Variants in CFAP70 observed in about 807,000 individuals in gnomAD.
The protein encoded by CFAP70 is cilia- and flagella-associated protein 70.
Under a neutral mutation model 137.6 loss-of-function variants are expected in CFAP70, and 81 were observed. That is an observed-to-expected ratio of 0.59 (90% CI 0.49 to 0.71). CFAP70 has a LOEUF of 0.71. CFAP70 is among the 30% of genes least tolerant of loss of function. The pLI is 0.00. For synonymous variants in CFAP70, 382 were observed against 423.6 expected, an observed-to-expected ratio of 0.90 and a Z score of 1.20; for missense variants, 976 against 1,226.7, an observed-to-expected ratio of 0.80 and a Z score of 3.05.
chr10:73,299,503 T>C, intron 13 of CFAP70, 102 bp downstream of exon 14: 1 of 958,338 alleles, frequency 1.0e-6, no homozygotes, highest in Non-Finnish European at 1.6e-6. Flanking sequence ...TCAAACAAGT[T>C]TTCACCCCTT....
chr10:73,271,692 C>G (rs558612540), intron 24 of CFAP70, among the ~76,000 whole-genome samples: 1 of 152,144 alleles, frequency 6.6e-6, no homozygotes, highest in South Asian at 2.1e-4. Flanking sequence ...TATTTTGTAT[C>G]TATTTGTCTA....
At chr10:73,325,918 G>C (rs1343378815) in intron 8 of CFAP70, among the ~76,000 whole-genome samples, 3 of 152,102 alleles carry the variant, frequency 2.0e-5, no homozygotes, top group African/African-American at 7.2e-5. Context: ...GTCAACATTA[G>C]ACAGATCAAC....
intron 9 of CFAP70, among the ~76,000 whole-genome samples, chr10:73,318,123 G>T (rs906401963): frequency 1.3e-5 from 2 of 152,164 alleles, no homozygotes; most frequent in Admixed American, 6.5e-5. Context: ...TGAGCTAAAG[G>T]TGAGGGTGGG....
rs1006780188 is a variant in CFAP70 at position 73,299,669 on chromosome 10, T to C, written c.1257-4A>G. On this transcript the variant is annotated splice_polypyrimidine_tract_variant and splice_region_variant and intron_variant, in intron 12 of 26. Transcript: ENST00000310715. The stretch of plus-strand genomic sequence containing the variant: ...TGGAGGAATCATTTCCTTGACCCTG[T>C]ATCAGGAAAGAAAAAAAATAAAAAA... 1.9e-6 allele frequency: 3 copies of C among 1,607,876 alleles called. No individual in the cohort carries two copies. The highest frequency in any genetic ancestry group is 2.5e-6 in the Non-Finnish European group (3 of 1,177,458).
intron 9 of CFAP70, among the ~76,000 whole-genome samples, chr10:73,321,139 G>T (rs533111934): frequency 6.6e-6 from 1 of 151,974 alleles, no homozygotes; most frequent in Non-Finnish European, 1.5e-5. Context: ...ATTCCTGGCC[G>T]GGCGCAGTGG....
At chr10:73,272,651 A>G (rs2046402918) in intron 24 of CFAP70, among the ~76,000 whole-genome samples, 1 of 152,208 alleles carries the variant, frequency 6.6e-6, no homozygotes, top group Non-Finnish European at 1.5e-5. Flanking sequence ...TACAGATAAT[A>G]TCACAAAGGA....
chr10:73,323,330 G>GC lies in CFAP70; in HGVS notation c.778-234dup, dbSNP rs1235698177. 1.9e-3 allele frequency among the ~76,000 whole-genome samples: 247 copies of GC among 130,494 alleles called. 2 individuals are homozygous for GC. Among genetic ancestry groups the GC allele is most frequent in the African/African-American group, 6.9e-3 (234 of 34,102 alleles). 85.6% of individuals were successfully genotyped at this position (130,494 alleles called of 152,430 possible). A position where few individuals can be genotyped will look rare whatever the true frequency, so the allele number is the denominator to read the frequency against. ...CATATAAACAGTGTTAATGGCGGGGGCGGGGGGGGGGCAGCCAAGATGGCC... is the reference window on the plus strand; with the variant it reads ...CATATAAACAGTGTTAATGGCGGGGGCCGGGGGGGGGGCAGCCAAGATGGCC... On this transcript the variant is annotated intron_variant, in intron 8 of 26. Coordinates refer to ENST00000310715, the Ensembl canonical transcript of CFAP70.
At chr10:73,320,303 G>A (rs1250799199) in intron 9 of CFAP70, among the ~76,000 whole-genome samples, 1 of 151,742 alleles carries the variant, frequency 6.6e-6, no homozygotes, top group Non-Finnish European at 1.5e-5. Context: ...TGTAACATTT[G>A]CATTCTTTTC....
upstream of CFAP70, among the ~76,000 whole-genome samples, chr10:73,359,687 C>T (rs1194271486): frequency 1.3e-5 from 2 of 152,136 alleles, no homozygotes; most frequent in Admixed American, 6.5e-5. Flanking sequence ...ATGACTCAGG[C>T]AGGAGTCTTC....
At chr10:73,362,091 T>TA (rs1347770430), upstream of CFAP70, among the ~76,000 whole-genome samples, 15 of 152,208 alleles carry the variant, frequency 9.9e-5, no homozygotes, top group African/African-American at 2.9e-4. Flanking sequence ...AATAAACTCT[T>TA]ACATTTACGG....
intron 12 of CFAP70, among the ~76,000 whole-genome samples, chr10:73,303,726 TA>T (rs775014498): frequency 6.6e-6 from 1 of 152,180 alleles, no homozygotes; most frequent in African/African-American, 2.4e-5. Flanking sequence ...TTTCAAGATA[TA>T]AAAGTCATAA....
At chr10:73,274,519 C>T in exon 23 of CFAP70, 2 of 1,614,186 alleles carry the variant, frequency 1.2e-6, no homozygotes, top group South Asian at 2.2e-5. Flanking sequence ...ATGGTTCGTT[C>T]ATAGCATGCC....
intron 23 of CFAP70, among the ~76,000 whole-genome samples, chr10:73,273,931 T>C (rs757919007): frequency 2.6e-5 from 4 of 152,264 alleles, no homozygotes; most frequent in Admixed American, 1.3e-4. Flanking sequence ...TGTACTGAAA[T>C]TTTCCATAAA....
chr10:73,279,613 C>G (rs1258986956), intron 19 of CFAP70, among the ~76,000 whole-genome samples: 2 of 151,840 alleles, frequency 1.3e-5, no homozygotes, highest in Non-Finnish European at 2.9e-5. Flanking sequence ...GAGCCCAGCA[C>G]TTTGGGAGGC....
chr10:73,283,545 G>T (rs566397351), intron 19 of CFAP70, among the ~76,000 whole-genome samples: 1 of 152,080 alleles, frequency 6.6e-6, no homozygotes, highest in Non-Finnish European at 1.5e-5. Flanking sequence ...GAACTGGTAT[G>T]TCTTCTTGGT....
chr10:73,335,496 C>G (rs750568859), exon 7 of CFAP70: 1 of 1,611,476 alleles, frequency 6.2e-7, no homozygotes, highest in South Asian at 1.1e-5. Context: ...TTTCTTTATG[C>G]ACTCTGCTTG....
At chr10:73,311,600 A>C (rs1024867419) in intron 11 of CFAP70, among the ~76,000 whole-genome samples, 2 of 152,252 alleles carry the variant, frequency 1.3e-5, no homozygotes, top group African/African-American at 4.8e-5. Flanking sequence ...AGTAGAATTA[A>C]CAAAAGATAT....
chr10:73,311,846 A>C, exon 11 of CFAP70: 1 of 1,613,312 alleles, frequency 6.2e-7, no homozygotes, highest in South Asian at 1.1e-5. Context: ...GTCCTTCAGG[A>C]TTGTGACTTA....
At chr10:73,254,523 A>G (rs1253888628) in intron 26 of CFAP70, among the ~76,000 whole-genome samples, 2 of 152,172 alleles carry the variant, frequency 1.3e-5, no homozygotes, top group Non-Finnish European at 2.9e-5. Flanking sequence ...ATTTTTTCTT[A>G]CTAACAAAAT....
Sources: allele counts gnomAD v4.1 joint callset (sites outside exome capture counted in the v4.1 genomes callset), GRCh38; gene constraint gnomAD v4.1.1; transcripts MANE v1.5; gene names NCBI Gene and HGNC (gene_info 2026-07-23, HGNC 2026-07-21).